Variants in KLF12 observed in about 807,000 individuals in gnomAD.
KLF12 encodes the protein KLF transcription factor 12.
A neutral mutation model predicts 37.8 loss-of-function variants in KLF12; 9 were observed. The observed-to-expected ratio is 0.24, with a 90% CI of 0.14 to 0.42. KLF12 has a LOEUF of 0.42. Among genes scored for constraint, KLF12 ranks in the 10% least tolerant of loss-of-function variants. The pLI is 1.00. For missense variants in KLF12, 411 were observed against 516.0 expected (o/e 0.80, Z 1.97); for synonymous variants, 208 against 202.1 (o/e 1.03, Z -0.25).
Position 74,070,489 on chromosome 13 carries a change from T to TTTTG in KLF12, c.-32+63246_-32+63249dup, listed in dbSNP as rs147894249. ...AGGATGAAAACAGAGGAATATGGGGTTTTGTTTGTTTGTTTGTTTTTTCAA... is the reference window on the plus strand; with the variant it reads ...AGGATGAAAACAGAGGAATATGGGGTTTTGTTTGTTTGTTTGTTTGTTTTTTCAA... On this transcript the variant is annotated intron_variant, in intron 1 of 7. Transcript: ENST00000377669. 3.2e-3 allele frequency among the ~76,000 whole-genome samples: 489 copies of TTTTG among 151,730 alleles called. 6 individuals carry two copies. The highest frequency in any genetic ancestry group is 0.011 in the African/African-American group (465 of 41,348).
the KLF12 span, among the ~76,000 whole-genome samples, chr13:74,162,727 G>A: frequency 1.3e-5 from 2 of 152,174 alleles, no homozygotes; most frequent in Non-Finnish European, 1.5e-5. Context: ...ACTGTGAAAT[G>A]CAGAGGCATT....
At chr13:73,869,949 G>A (rs557270652) in intron 3 of KLF12, among the ~76,000 whole-genome samples, 98 of 152,204 alleles carry the variant, frequency 6.4e-4, no homozygotes, top group African/African-American at 2.3e-3. Context: ...ATTCCTTCTC[G>A]ACATGGTTTT....
intron 4 of KLF12, among the ~76,000 whole-genome samples, chr13:73,832,922 T>C (rs977606806): frequency 2.6e-5 from 4 of 152,194 alleles, no homozygotes; most frequent in African/African-American, 4.8e-5. Flanking sequence ...CATAAAACTT[T>C]ATGTACAAAG....
intron 1 of KLF12, among the ~76,000 whole-genome samples, chr13:74,041,143 G>T (rs928855481): frequency 6.6e-6 from 1 of 151,960 alleles, no homozygotes; most frequent in Non-Finnish European, 1.5e-5. Flanking sequence ...TTAGCACTCC[G>T]CTCACATCAC....
At chr13:74,133,101 G>A (rs563479023) in intron 1 of KLF12, among the ~76,000 whole-genome samples, 5 of 152,294 alleles carry the variant, frequency 3.3e-5, no homozygotes, top group South Asian at 4.1e-4. Flanking sequence ...CTACTTGCAT[G>A]GACCAGGCAC....
At chr13:74,262,313 C>G in the KLF12 span, among the ~76,000 whole-genome samples, 2 of 152,130 alleles carry the variant, frequency 1.3e-5, no homozygotes, top group Non-Finnish European at 2.9e-5. Context: ...TGAATGATGG[C>G]TGGAAGAACC....
chr13:73,735,448 C>T (rs558223581), intron 6 of KLF12, among the ~76,000 whole-genome samples: 1 of 152,158 alleles, frequency 6.6e-6, no homozygotes, highest in African/African-American at 2.4e-5. Flanking sequence ...AAGATGTCGC[C>T]CCCTAGGGGC....
At chr13:73,780,228 CATTTCTTTTTTCTTTTTTAAA>C (rs1319329479) in intron 5 of KLF12, among the ~76,000 whole-genome samples, 5 of 152,132 alleles carry the variant, frequency 3.3e-5, no homozygotes, top group Admixed American at 1.3e-4. Flanking sequence ...CAGATGAAGT[CATTTCTTTTTTCTTTTTTAAA>C]AATTTCAGCA....
intron 4 of KLF12, among the ~76,000 whole-genome samples, chr13:73,840,706 C>T (rs988117209): frequency 5.3e-5 from 8 of 152,232 alleles, no homozygotes; most frequent in South Asian, 4.2e-4. Context: ...AAAGGTAAAA[C>T]GGATCATGTC....
At chr13:73,755,033 G>GT (rs1347910310) in intron 6 of KLF12, among the ~76,000 whole-genome samples, 2 of 152,152 alleles carry the variant, frequency 1.3e-5, no homozygotes, top group African/African-American at 4.8e-5. Flanking sequence ...GAAGATTACT[G>GT]TAAGTCACTT....
intron 2 of KLF12, among the ~76,000 whole-genome samples, chr13:73,994,771 T>C (rs1892062064): frequency 6.6e-6 from 1 of 152,228 alleles, no homozygotes; most frequent in Non-Finnish European, 1.5e-5. Flanking sequence ...GGAAAAGAAT[T>C]ACAGCTAGAC....
chr13:74,181,739 C>T, the KLF12 span, among the ~76,000 whole-genome samples: 1 of 147,242 alleles, frequency 6.8e-6, no homozygotes, highest in African/African-American at 2.5e-5. Context: ...GAAAATGAGA[C>T]ATAAGAGATA....
chr13:74,284,094 T>C, the KLF12 span, among the ~76,000 whole-genome samples: 1 of 152,088 alleles, frequency 6.6e-6, no homozygotes, highest in African/African-American at 2.4e-5. Context: ...CCTGACCTTG[T>C]GATCCACCTG....
intron 2 of KLF12, among the ~76,000 whole-genome samples, chr13:73,944,437 T>C (rs183561457): frequency 1.6e-4 from 25 of 152,296 alleles, no homozygotes; most frequent in Non-Finnish European, 2.9e-4. Flanking sequence ...GTTCTGGAAA[T>C]TGCATTGTGC....
chr13:74,263,076 T>C, the KLF12 span, among the ~76,000 whole-genome samples: 4 of 152,106 alleles, frequency 2.6e-5, no homozygotes, highest in Non-Finnish European at 5.9e-5. Context: ...AATATTCAAA[T>C]TGATGAACAT....
At chr13:73,739,823 T>C (rs879829418) in intron 6 of KLF12, among the ~76,000 whole-genome samples, 1 of 152,268 alleles carries the variant, frequency 6.6e-6, no homozygotes, top group African/African-American at 2.4e-5. Flanking sequence ...AAAACATTTG[T>C]AAATTTATCT....
intron 1 of KLF12, among the ~76,000 whole-genome samples, chr13:74,032,016 C>CCCA (rs1220153867): frequency 1.3e-5 from 2 of 152,006 alleles, no homozygotes; most frequent in Non-Finnish European, 2.9e-5. Flanking sequence ...TGTCCAAAGC[C>CCCA]CCACCCAAGG....
chr13:73,711,914 T>C (rs1008362497), intron 7 of KLF12, among the ~76,000 whole-genome samples: 3 of 152,304 alleles, frequency 2.0e-5, no homozygotes, highest in African/African-American at 7.2e-5. Context: ...TTGTGATTCA[T>C]GATAAGTCAA....
At chr13:74,091,536 T>G (rs1056936514) in intron 1 of KLF12, among the ~76,000 whole-genome samples, 1 of 152,162 alleles carries the variant, frequency 6.6e-6, no homozygotes, top group African/African-American at 2.4e-5. Context: ...GTAATAACAT[T>G]CCATTGTCTC....
Sources: allele counts gnomAD v4.1 joint callset (sites outside exome capture counted in the v4.1 genomes callset), GRCh38; gene constraint gnomAD v4.1.1; transcripts MANE v1.5; gene names NCBI Gene and HGNC (gene_info 2026-07-23, HGNC 2026-07-21).